Variants in TMEM132D observed in about 807,000 individuals in gnomAD.
The protein encoded by TMEM132D is mature OL transmembrane protein.
In TMEM132D, 21 loss-of-function variants were observed where a neutral mutation model predicts 62.3. The observed-to-expected ratio is 0.34, with a 90% confidence interval of 0.24 to 0.49. The LOEUF (loss-of-function observed/expected upper bound fraction) is 0.49, where lower values mean the gene tolerates loss of function less well. TMEM132D is among the 20% of genes least tolerant of loss of function. TMEM132D has a pLI of 0.99. For synonymous variants in TMEM132D, 621 were observed against 575.6 expected (o/e 1.08, Z -1.13); for missense variants, 1,346 against 1,402.8 (o/e 0.96, Z 0.65).
chr12:129,103,347 C>T lies in TMEM132D; in HGVS notation c.1444-18645G>A, dbSNP rs576618173. On this transcript the variant is annotated intron_variant, in intron 5 of 8. Coordinates refer to ENST00000422113, the MANE Select transcript of TMEM132D (RefSeq NM_133448.3). ...TGTCTCCAGCACTTGCAGAACCAGG[C>T]TCATTTCACTCCCTCATGGACAATA... Among the ~76,000 whole-genome samples, 9 of 152,304 alleles carry T rather than the reference C, an allele frequency of 5.9e-5. No individual in the cohort carries two copies. In the South Asian group the frequency reaches 1.9e-3, roughly 32 times the overall value.
At chr12:129,897,950 T>C (rs1003770638) in intron 1 of TMEM132D, among the ~76,000 whole-genome samples, 6 of 152,180 alleles carry the variant, frequency 3.9e-5, no homozygotes, top group African/African-American at 1.4e-4. Context: ...GGGTATGGGT[T>C]CTGGCATCAG....
chr12:129,280,687 C>G (rs1169388470), intron 4 of TMEM132D, among the ~76,000 whole-genome samples: 3 of 152,158 alleles, frequency 2.0e-5, no homozygotes, highest in Non-Finnish European at 2.9e-5. Context: ...TAATATCTAT[C>G]TATCTATCTA....
At chr12:129,493,782 G>A (rs1874867944) in intron 3 of TMEM132D, among the ~76,000 whole-genome samples, 1 of 152,200 alleles carries the variant, frequency 6.6e-6, no homozygotes, top group African/African-American at 2.4e-5. Flanking sequence ...AAGCCAAGCA[G>A]GCAGGCTGCC....
intron 2 of TMEM132D, among the ~76,000 whole-genome samples, chr12:129,536,712 G>A (rs1027217891): frequency 2.6e-5 from 4 of 152,110 alleles, no homozygotes; most frequent in Non-Finnish European, 4.4e-5. Context: ...TCTATTACTG[G>A]AATATATTTG....
intron 1 of TMEM132D, among the ~76,000 whole-genome samples, chr12:129,753,644 C>T (rs1260464280): frequency 3.9e-5 from 6 of 152,098 alleles, no homozygotes; most frequent in African/African-American, 7.2e-5. Flanking sequence ...CACAATCACA[C>T]GATATTCAGC....
At chr12:129,553,034 G>T (rs77797499) in intron 2 of TMEM132D, among the ~76,000 whole-genome samples, 2,643 of 152,206 alleles carry the variant, frequency 0.017, 75 homozygotes, top group African/African-American at 0.061. Flanking sequence ...GCCACCATCC[G>T]AGCCCCAGCC....
chr12:129,625,466 G>A (rs1299365881), intron 2 of TMEM132D, among the ~76,000 whole-genome samples: 1 of 152,166 alleles, frequency 6.6e-6, no homozygotes, highest in African/African-American at 2.4e-5. Context: ...GGGGAGCTGG[G>A]AAAGTGTAAA....
In TMEM132D at chr12:129,717,899, A is replaced by C. The variant is rs558599920; in HGVS notation, c.80-17201T>G. On this transcript the variant is annotated intron_variant, in intron 1 of 8. Coordinates refer to ENST00000422113, the MANE Select transcript of TMEM132D (RefSeq NM_133448.3). ...AAGTGCGCTCGTGCTGGTGGAGCTG[A>C]AGTCCAGTCTACATTCCGGTCAGTG... Among the ~76,000 whole-genome samples, 5 of 152,260 alleles carry C rather than the reference A, an allele frequency of 3.3e-5. No homozygotes were observed. The South Asian group carries it at 1.0e-3, about 32-fold the overall frequency.
At chr12:129,539,898 G>A (rs954604406) in intron 2 of TMEM132D, among the ~76,000 whole-genome samples, 6 of 152,238 alleles carry the variant, frequency 3.9e-5, no homozygotes, top group South Asian at 2.1e-4. Flanking sequence ...GGAGCCCAGC[G>A]GGGAGAACGA....
chr12:129,405,835 T>C (rs1007114133), intron 3 of TMEM132D, among the ~76,000 whole-genome samples: 1 of 152,130 alleles, frequency 6.6e-6, no homozygotes, highest in Non-Finnish European at 1.5e-5. Flanking sequence ...TGTCCTTGAA[T>C]CTTAAAAAAA....
intron 5 of TMEM132D, among the ~76,000 whole-genome samples, chr12:129,170,951 T>C (rs1235970241): frequency 6.6e-6 from 1 of 152,192 alleles, no homozygotes; most frequent in Non-Finnish European, 1.5e-5. Flanking sequence ...TTGGGGCGGC[T>C]GTGGCAAGGA....
chr12:129,217,999 T>G (rs1879255167), intron 4 of TMEM132D, among the ~76,000 whole-genome samples: 2 of 152,108 alleles, frequency 1.3e-5, no homozygotes, highest in African/African-American at 4.8e-5. Context: ...TCTCCGGAGC[T>G]AGGACCAGCA....
At chr12:129,181,857 T>C (rs573597074) in intron 5 of TMEM132D, among the ~76,000 whole-genome samples, 110 of 152,340 alleles carry the variant, frequency 7.2e-4, no homozygotes, top group African/African-American at 2.4e-3. Flanking sequence ...TTTTCTTTCA[T>C]CTCCTGGTAA....
intron 1 of TMEM132D, among the ~76,000 whole-genome samples, chr12:129,734,099 G>T (rs978389991): frequency 1.3e-5 from 2 of 152,130 alleles, no homozygotes; most frequent in African/African-American, 4.8e-5. Context: ...GACTGAAAAA[G>T]GACAATCTTG....
intron 4 of TMEM132D, among the ~76,000 whole-genome samples, chr12:129,304,569 C>G (rs1295397735): frequency 2.0e-5 from 3 of 149,948 alleles, no homozygotes; most frequent in Non-Finnish European, 4.5e-5. Context: ...ACAGCCTGAA[C>G]AATCCCATAT....
At position 129,113,758 on chromosome 12, in the gene TMEM132D, G is replaced by C. The variant is rs1593265934; in HGVS notation, c.1444-29056C>G. ...CAGAGATAAGAGTCATCTCCTTCTC[G>C]GTGGGAAAGGGCCGGGCTGGGTGGT... On this transcript the variant is annotated intron_variant, in intron 5 of 8. Transcript: ENST00000422113. Among the ~76,000 whole-genome samples, 3 of 151,924 alleles carry C rather than the reference G, an allele frequency of 2.0e-5. No individual in the cohort carries two copies. The South Asian group carries it at 6.3e-4, about 32-fold the overall frequency.
chr12:129,702,026 G>A (rs952149544), intron 1 of TMEM132D, among the ~76,000 whole-genome samples: 4 of 152,232 alleles, frequency 2.6e-5, no homozygotes, highest in African/African-American at 9.6e-5. Flanking sequence ...GGTAGCATGA[G>A]GGGGCTGACT....
At chr12:129,459,017 C>T (rs1039784607) in intron 3 of TMEM132D, among the ~76,000 whole-genome samples, 3 of 152,184 alleles carry the variant, frequency 2.0e-5, no homozygotes, top group African/African-American at 4.8e-5. Context: ...AGATTTGGAA[C>T]ATCACATGCT....
At chr12:129,722,742 CTTTTTTTT>C (rs67984947) in intron 1 of TMEM132D, among the ~76,000 whole-genome samples, 1 of 81,918 alleles carries the variant, frequency 1.2e-5, no homozygotes, top group African/African-American at 4.4e-5. Flanking sequence ...TTCTTTTTTT[CTTTTTTTT>C]TTTTTTTGAG....
Sources: gnomAD v4.1 joint callset for allele counts (sites outside exome capture counted in the v4.1 genomes callset) on GRCh38, gnomAD v4.1.1 for gene constraint, MANE v1.5 for transcripts, NCBI Gene and HGNC (gene_info 2026-07-23, HGNC 2026-07-21) for gene names.